MIPOL1: variants seen among roughly 807,000 people sequenced by gnomAD.
MIPOL1 encodes mirror-image polydactyly gene 1 protein.
Under a neutral mutation model 60.9 loss-of-function variants are expected in MIPOL1, and 57 were observed. The observed-to-expected ratio is 0.94, with a 90% confidence interval of 0.76 to 1.17. MIPOL1 has a LOEUF of 1.17. Ranked by LOEUF, MIPOL1 falls within the 50% of genes most tolerant of loss-of-function variation. The pLI, the probability that MIPOL1 is intolerant of heterozygous loss-of-function variation, is 0.00. For missense variants in MIPOL1, 551 were observed against 511.6 expected (o/e 1.08, Z -0.74); for synonymous variants, 179 against 168.8 (o/e 1.06, Z -0.47).
At chr14:37,418,721 G>A (rs554461048) in intron 10 of MIPOL1, among the ~76,000 whole-genome samples, 57 of 152,056 alleles carry the variant, frequency 3.7e-4, no homozygotes, top group Non-Finnish European at 6.3e-4. Context: ...AGGGATAATA[G>A]GAACTACCTC....
At chr14:37,395,490 T>A (rs2093354386) in intron 10 of MIPOL1, among the ~76,000 whole-genome samples, 1 of 152,172 alleles carries the variant, frequency 6.6e-6, no homozygotes. Flanking sequence ...GATTCCTAAA[T>A]ATTTTATTTA....
At chr14:37,504,777 G>A (rs1566735427) in intron 12 of MIPOL1, 1 of 152,032 alleles carries the variant, frequency 6.6e-6, no homozygotes, top group Admixed American at 6.6e-5. Context: ...GAAGAAGATG[G>A]AGACGCAAAA....
chr14:37,510,322 C>T (rs1331234338), intron 12 of MIPOL1, among the ~76,000 whole-genome samples: 1 of 152,142 alleles, frequency 6.6e-6, no homozygotes, highest in Non-Finnish European at 1.5e-5. Flanking sequence ...TCATGGCTCA[C>T]TGCAGCCTCA....
Position 37,451,808 on chromosome 14 carries a change from C to CTTTTTTTTTTTTTTTTTTTTTTT in MIPOL1, c.1031+28861_1031+28883dup, listed in dbSNP as rs535978128. ...CTTAAGGTTCTTTTGTTTATTCTCT[C>CTTTTTTTTTTTTTTTTTTTTTTT]TTTTTTTTTTTTTTTTTTTTTTTTG... On this transcript the variant is annotated intron_variant, in intron 11 of 12. Coordinates refer to ENST00000684589, the MANE Select transcript of MIPOL1 (RefSeq NM_001388067.1). Among the ~76,000 whole-genome samples, 23 of 84,570 alleles carry CTTTTTTTTTTTTTTTTTTTTTTT rather than the reference C, an allele frequency of 2.7e-4. 2 individuals carry two copies. Among genetic ancestry groups the CTTTTTTTTTTTTTTTTTTTTTTT allele is most frequent in the African/African-American group, 1.4e-3 (22 of 15,752 alleles). 55.5% of individuals were successfully genotyped at this position (84,570 alleles called of 152,430 possible).
intron 3 of MIPOL1, among the ~76,000 whole-genome samples, chr14:37,254,748 G>T (rs1974650852): frequency 1.3e-5 from 2 of 151,740 alleles, no homozygotes; most frequent in Admixed American, 1.3e-4. Context: ...TACTCTTCAT[G>T]CAGAATTCTT....
At chr14:37,272,180 T>C (rs971521156) in intron 6 of MIPOL1, among the ~76,000 whole-genome samples, 3 of 151,590 alleles carry the variant, frequency 2.0e-5, no homozygotes, top group Admixed American at 1.3e-4. Flanking sequence ...AATAACAGTG[T>C]TATTTAGTTT....
chr14:37,448,660 C>G (rs1266717891), intron 11 of MIPOL1, among the ~76,000 whole-genome samples: 1 of 152,122 alleles, frequency 6.6e-6, no homozygotes, highest in Non-Finnish European at 1.5e-5. Context: ...AAGTTAATGT[C>G]ATCGTTTGCT....
At chr14:37,321,401 G>A (rs553575236) in intron 9 of MIPOL1, among the ~76,000 whole-genome samples, 41 of 151,840 alleles carry the variant, frequency 2.7e-4, no homozygotes, top group Non-Finnish European at 4.9e-4. Flanking sequence ...AAATTCTGAA[G>A]CTATCTTTCT....
intron 1 of MIPOL1, among the ~76,000 whole-genome samples, chr14:37,236,088 A>G (rs909343490): frequency 1.3e-5 from 2 of 151,326 alleles, no homozygotes; most frequent in Non-Finnish European, 3.0e-5. Context: ...CACCATGCCC[A>G]GCTAATTTTT....
chr14:37,219,208 A>G (rs1968324735), intron 1 of MIPOL1, among the ~76,000 whole-genome samples: 2 of 152,192 alleles, frequency 1.3e-5, no homozygotes, highest in African/African-American at 4.8e-5. Flanking sequence ...TACAGTGATC[A>G]AAGATGGAGG....
intron 1 of MIPOL1, among the ~76,000 whole-genome samples, chr14:37,214,831 A>T (rs537792857): frequency 6.6e-6 from 1 of 152,272 alleles, no homozygotes; most frequent in Admixed American, 6.5e-5. Context: ...TAGCGGTAGC[A>T]TCAGTGCCAA....
Position 37,445,700 on chromosome 14 carries a change from G to A in MIPOL1, c.1031+22751G>A, listed in dbSNP as rs894658865. On this transcript the variant is annotated intron_variant, in intron 11 of 12. Coordinates refer to ENST00000684589, the MANE Select transcript of MIPOL1 (RefSeq NM_001388067.1). ...CTACAAGGCTACAGTAACCAAAACA[G>A]CATGGTACTGGTACCAAAACAGAGA... Among the ~76,000 whole-genome samples the A allele has an allele frequency of 1.1e-4, 16 of 151,804 alleles. 1 individual carries two copies. Among genetic ancestry groups the A allele is most frequent in the Admixed American group, 9.2e-4 (14 of 15,252 alleles).
At chr14:37,210,440 C>T (rs1425901683) in intron 1 of MIPOL1, among the ~76,000 whole-genome samples, 1 of 152,116 alleles carries the variant, frequency 6.6e-6, no homozygotes, top group African/African-American at 2.4e-5. Flanking sequence ...TGTTTAATCG[C>T]CCATTGGGTT....
intron 12 of MIPOL1, among the ~76,000 whole-genome samples, chr14:37,531,259 G>A (rs534502525): frequency 1.1e-4 from 16 of 151,822 alleles, no homozygotes; most frequent in African/African-American, 3.9e-4. Context: ...GACTATATTC[G>A]CCCTTGTACC....
At chr14:37,464,282 G>A (rs569339598) in intron 11 of MIPOL1, among the ~76,000 whole-genome samples, 1 of 152,182 alleles carries the variant, frequency 6.6e-6, no homozygotes, top group East Asian at 1.9e-4. Context: ...AAAGACACCT[G>A]CACTTGTGCA....
At position 37,381,964 on chromosome 14, in the gene MIPOL1, C is replaced by T. The variant is rs149256689; in HGVS notation, c.936+12340C>T. 8.1e-4 allele frequency among the ~76,000 whole-genome samples: 123 copies of T among 151,970 alleles called. 2 individuals carry two copies. The highest frequency in any genetic ancestry group is 2.9e-3 in the African/African-American group (120 of 41,458). On this transcript the variant is annotated intron_variant, in intron 10 of 12. Coordinates refer to ENST00000684589, the MANE Select transcript of MIPOL1 (RefSeq NM_001388067.1). The stretch of plus-strand genomic sequence containing the variant: ...TTGTGTTTGGAAGGTAAAGTAAGGA[C>T]AAAATAGTTCCTCAACCTTAGTTTT...
chr14:37,347,654 A>G (rs1345134374), intron 9 of MIPOL1, among the ~76,000 whole-genome samples: 4 of 152,210 alleles, frequency 2.6e-5, no homozygotes, highest in African/African-American at 7.2e-5. Context: ...TAGAACATCA[A>G]AGTTAACCTA....
chr14:37,420,537 C>G (rs912909998), intron 10 of MIPOL1, among the ~76,000 whole-genome samples: 5 of 151,956 alleles, frequency 3.3e-5, no homozygotes, highest in Non-Finnish European at 5.9e-5. Context: ...ATATAAATAT[C>G]AATCTAGGAA....
At chr14:37,232,980 T>C (rs1299376874) in intron 1 of MIPOL1, among the ~76,000 whole-genome samples, 1 of 152,086 alleles carries the variant, frequency 6.6e-6, no homozygotes. Flanking sequence ...GTAGCTGAGG[T>C]GTATACTGTT....
Sources: allele counts gnomAD v4.1 joint callset (sites outside exome capture counted in the v4.1 genomes callset), GRCh38; gene constraint gnomAD v4.1.1; transcripts MANE v1.5; gene names NCBI Gene and HGNC (gene_info 2026-07-23, HGNC 2026-07-21).